PRKD2: variants seen among roughly 807,000 people sequenced by gnomAD.
PRKD2 encodes serine/threonine-protein kinase D2.
In PRKD2, 22 loss-of-function variants were observed where a neutral mutation model predicts 86.0. The ratio of observed to expected loss-of-function variants is 0.26; its 90% CI spans 0.18 to 0.37. The LOEUF (loss-of-function observed/expected upper bound fraction) is 0.37, where lower values mean the gene tolerates loss of function less well. Ranked by LOEUF, PRKD2 falls within the 10% of genes least tolerant of loss-of-function variation. PRKD2 has a pLI of 1.00. For missense variants in PRKD2, 818 were observed against 1,199.2 expected, an observed-to-expected ratio of 0.68 and a Z score of 4.70; for synonymous variants, 509 against 510.9, an observed-to-expected ratio of 1.00 and a Z score of 0.05.
chr19:46,681,604 T>G, intron 15 of PRKD2, 46 bp downstream of exon 15: 2 of 252,144 alleles, frequency 7.9e-6, no homozygotes, highest in Non-Finnish European at 1.6e-5. Context: ...ACCCCGGCCA[T>G]CAGTGTTGCC....
chr19:46,676,529 C>A (rs137910178), intron 16 of PRKD2, among the ~76,000 whole-genome samples: 24 of 152,306 alleles, frequency 1.6e-4, no homozygotes, highest in Non-Finnish European at 2.5e-4. Context: ...AGAGGACTAG[C>A]GAATGTCAAG....
At chr19:46,692,507 C>T (rs1348570120) in intron 10 of PRKD2, among the ~76,000 whole-genome samples, 1 of 151,682 alleles carries the variant, frequency 6.6e-6, no homozygotes, top group African/African-American at 2.4e-5. Context: ...CCCCACAGCC[C>T]CTTCCCTGGT....
At position 46,716,382 on chromosome 19, in the gene PRKD2, G is replaced by C. The variant is rs1390282955; in HGVS notation, c.-12C>G. On this transcript the variant is annotated 5_prime_UTR_variant, in exon 1 of 18. Coordinates refer to ENST00000291281, the MANE Select transcript of PRKD2 (RefSeq NM_016457.5). The surrounding 1 kb of genome is among the most constrained non-coding windows in gnomAD (Gnocchi z 7.9). ...GGGGCGGTGGCCATGGGGGGAGGCCGGGGACCGGCCGCCTGGAGCCCACCC... is the reference window on the plus strand; with the variant it reads ...GGGGCGGTGGCCATGGGGGGAGGCCCGGGACCGGCCGCCTGGAGCCCACCC... The C allele has an allele frequency of 7.2e-7, 1 of 1,388,310 alleles. No homozygotes were observed. Among genetic ancestry groups the C allele is most frequent in the Non-Finnish European group, 9.3e-7 (1 of 1,069,910 alleles). 86.0% of individuals were successfully genotyped at this position (1,388,310 alleles called of 1,614,324 possible).
At chr19:46,711,406 G>A (rs1189142468) in intron 2 of PRKD2, among the ~76,000 whole-genome samples, 1 of 152,048 alleles carries the variant, frequency 6.6e-6, no homozygotes, top group Non-Finnish European at 1.5e-5. Flanking sequence ...TTTTTTGTTT[G>A]TGTTTGTTAG....
Position 46,702,242 on chromosome 19 carries a change from G to A in PRKD2, c.890-1130C>T, listed in dbSNP as rs140403533. Among the ~76,000 whole-genome samples the A allele has an allele frequency of 2.8e-3, 429 of 151,950 alleles. 5 individuals carry two copies. Among genetic ancestry groups the A allele is most frequent in the East Asian group, 2.7e-3 (14 of 5,170 alleles). On this transcript the variant is annotated intron_variant, in intron 5 of 17. Coordinates refer to ENST00000291281, the MANE Select transcript of PRKD2 (RefSeq NM_016457.5). ...TTTTGTAGAGATGGGGTCTTTCCAT[G>A]TTGTACAAGCTGGTCTTGAACTCCT...
At chr19:46,711,128 C>T (rs1200047443) in intron 2 of PRKD2, 90 bp from the exon 3 acceptor site, 8 of 1,466,142 alleles carry the variant, frequency 5.5e-6, no homozygotes, top group Middle Eastern at 1.7e-4. Context: ...ACAGTGCTCC[C>T]AGCCGCAAGG....
rs1242360128 is a variant in PRKD2, at chr19:46,700,795, A to C, written c.1121+4T>G. On this transcript the variant is annotated splice_donor_region_variant and intron_variant, in intron 7 of 17. Transcript: ENST00000291281. ...CAGGGTCTCTTGGAGGGTTCTGTGT[A>C]TACCTCTGGGCCTTGCCTCCCTCGC... is the stretch of plus-strand genomic sequence containing the variant. 1.2e-6 allele frequency: 2 copies of C among 1,613,608 alleles called. No individual in the cohort carries two copies. The highest frequency in any genetic ancestry group is 1.7e-4 in the Middle Eastern group (1 of 6,058).
At chr19:46,679,718 A>G (rs9916965) in intron 15 of PRKD2, among the ~76,000 whole-genome samples, 119,149 of 151,954 alleles carry the variant, frequency 0.78, 47,447 homozygotes, top group African/African-American at 0.94. Flanking sequence ...TCTGCCTCCC[A>G]GGTTCAAGCA....
chr19:46,704,739 AC>A, intron 3 of PRKD2, 90 bp from the exon 4 acceptor site: 7 of 1,477,088 alleles, frequency 4.7e-6, no homozygotes. Context: ...CCAATCTCTC[AC>A]CTGGTCCTGT....
At chr19:46,692,984 T>C (rs1265080469) in intron 10 of PRKD2, among the ~76,000 whole-genome samples, 1 of 152,170 alleles carries the variant, frequency 6.6e-6, no homozygotes, top group Non-Finnish European at 1.5e-5. Context: ...CACTGGATTA[T>C]AAGCTCCAGA....
chr19:46,687,676 T>C (rs1369012320), intron 14 of PRKD2, among the ~76,000 whole-genome samples: 3 of 152,232 alleles, frequency 2.0e-5, no homozygotes, highest in Non-Finnish European at 2.9e-5. Context: ...ACATTATTTA[T>C]CATCACCATT....
chr19:46,678,494 C>CCG lies in PRKD2; in HGVS notation c.2238_2239dup (p.Gly747AlafsTer45). 6.2e-7 allele frequency: 1 copy of CCG among 1,614,222 alleles called. No individual in the cohort carries two copies. The highest frequency in any genetic ancestry group is 8.5e-7 in the Non-Finnish European group (1 of 1,180,042). On this transcript the variant is annotated frameshift_variant, in exon 16 of 18. Transcript: ENST00000291281. LOFTEE classifies it high-confidence loss of function. This position sits in a 1 kb window ranked among gnomAD's most constrained non-coding sequence, Gnocchi z 5.7. ...CTCATCCTCGTTGAAAGGGAAGGTG[C>CCG]CGCTGAGGCTGACGTACATGATCAC...
intron 14 of PRKD2, 32 bp downstream of exon 14, chr19:46,689,505 G>A (rs1299566501): frequency 1.9e-6 from 3 of 1,566,368 alleles, no homozygotes; most frequent in Non-Finnish European, 2.6e-6. Context: ...CTGATGGGGA[G>A]GGGCGGGTGG....
intron 3 of PRKD2, among the ~76,000 whole-genome samples, chr19:46,707,498 G>C (rs1054199529): frequency 2.0e-5 from 3 of 152,078 alleles, no homozygotes; most frequent in African/African-American, 7.2e-5. Flanking sequence ...GCTGAAGCAG[G>C]AGAATTGCTT....
In PRKD2 at chr19:46,678,475, C is replaced by T. The variant is rs777150439; in HGVS notation, c.2259G>A (p.Glu753=). ...GGATCTGGTCATTGATGTCCTCATCCTCGTTGAAAGGGAAGGTGCCGCTGA... is the reference window on the plus strand; with the variant it reads ...GGATCTGGTCATTGATGTCCTCATCTTCGTTGAAAGGGAAGGTGCCGCTGA... The part of the protein sequence containing the change: ...VSLSGTFPFN[E]DEDINDQIQN... Residue 753 remains glutamate, a synonymous_variant, in exon 16 of 18, where the codon GAG becomes GAA. Coordinates refer to ENST00000291281, the MANE Select transcript of PRKD2 (RefSeq NM_016457.5). This position sits in a 1 kb window ranked among gnomAD's most constrained non-coding sequence, Gnocchi z 5.7. 3 of 1,614,120 alleles carry T rather than the reference C, an allele frequency of 1.9e-6. No individual in the cohort carries two copies. The highest frequency in any genetic ancestry group is 2.5e-6 in the Non-Finnish European group (3 of 1,180,062).
At chr19:46,696,215 A>C (rs997138514) in intron 9 of PRKD2, among the ~76,000 whole-genome samples, 2 of 152,176 alleles carry the variant, frequency 1.3e-5, no homozygotes, top group Non-Finnish European at 2.9e-5. Context: ...AGTTCAAGGA[A>C]GACGCTCCAG....
At chr19:46,703,537 C>T (rs1259762093) in intron 5 of PRKD2, among the ~76,000 whole-genome samples, 1 of 151,792 alleles carries the variant, frequency 6.6e-6, no homozygotes, top group African/African-American at 2.4e-5. Context: ...TTTGGGAGGT[C>T]GAGGCAGGTG....
chr19:46,680,909 A>G (rs1299627428), intron 15 of PRKD2, among the ~76,000 whole-genome samples: 1 of 110,788 alleles, frequency 9.0e-6, no homozygotes, highest in Non-Finnish European at 1.8e-5. Context: ...ATAAAGTGCT[A>G]TATGTTGGGA....
chr19:46,679,533 C>T (rs1283360235), intron 15 of PRKD2, among the ~76,000 whole-genome samples: 2 of 152,206 alleles, frequency 1.3e-5, no homozygotes, highest in African/African-American at 4.8e-5. Context: ...TTGTTGATAG[C>T]AGCCTCCTCT....
Sources: allele counts gnomAD v4.1 joint callset (sites outside exome capture counted in the v4.1 genomes callset), GRCh38; gene constraint gnomAD v4.1.1; non-coding constraint Gnocchi (gnomAD v3.1); transcripts MANE v1.5; gene names NCBI Gene and HGNC (gene_info 2026-07-23, HGNC 2026-07-21).